Variants in ADAMTS17 observed in about 807,000 individuals in gnomAD.
ADAMTS17 encodes ADAM metallopeptidase with thrombospondin type 1 motif 17, also known as A disintegrin and metalloproteinase with thrombospondin motifs 17.
In ADAMTS17, 113 loss-of-function variants were observed where a neutral mutation model predicts 141.5. The ratio of observed to expected loss-of-function variants is 0.80; its 90% CI spans 0.69 to 0.93. ADAMTS17 has a LOEUF of 0.93. ADAMTS17 is among the 40% of genes least tolerant of loss of function. ADAMTS17 has a pLI of 0.00. For missense variants in ADAMTS17, 1,659 were observed against 1,517.9 expected (o/e 1.09, Z -1.54); for synonymous variants, 768 against 630.6 (o/e 1.22, Z -3.27).
intron 15 of ADAMTS17, among the ~76,000 whole-genome samples, chr15:100,059,511 A>G (rs2032945460): frequency 1.3e-5 from 2 of 152,214 alleles, no homozygotes; most frequent in Admixed American, 6.5e-5. Context: ...CCAAATTTGC[A>G]ATTTGCCGTG....
chr15:100,196,336 C>G (rs906905649), intron 8 of ADAMTS17, among the ~76,000 whole-genome samples: 16 of 152,238 alleles, frequency 1.1e-4, no homozygotes, highest in African/African-American at 3.4e-4. Context: ...CTAAATCTAG[C>G]TTTGTGTTTT....
At chr15:100,207,850 C>CCCAT (rs1328534324) in intron 7 of ADAMTS17, among the ~76,000 whole-genome samples, 4 of 152,098 alleles carry the variant, frequency 2.6e-5, no homozygotes, top group Non-Finnish European at 4.4e-5. Flanking sequence ...CAAACGTGGA[C>CCCAT]CCATCACTCA....
At chr15:100,174,174 C>G (rs2040255370) in intron 8 of ADAMTS17, among the ~76,000 whole-genome samples, 1 of 152,194 alleles carries the variant, frequency 6.6e-6, no homozygotes. Flanking sequence ...CTTAGCTAGG[C>G]AACACAACAT....
At chr15:100,053,379 T>A (rs2032293556) in intron 16 of ADAMTS17, among the ~76,000 whole-genome samples, 2 of 152,232 alleles carry the variant, frequency 1.3e-5, no homozygotes, top group South Asian at 4.1e-4. Context: ...GGGAGTAGAA[T>A]ACCCACATCA....
At chr15:100,071,086 A>G (rs1415897412) in intron 15 of ADAMTS17, among the ~76,000 whole-genome samples, 1 of 150,464 alleles carries the variant, frequency 6.6e-6, no homozygotes, top group Non-Finnish European at 1.5e-5. Context: ...ACAGAAATAC[A>G]AACTGCCATC....
intron 3 of ADAMTS17, among the ~76,000 whole-genome samples, chr15:100,313,749 C>CA (rs553699501): frequency 2.0e-4 from 30 of 151,770 alleles, no homozygotes; most frequent in African/African-American, 7.0e-4. Context: ...AAACGTCAGA[C>CA]AAAACCACCC....
At chr15:100,198,437 G>A (rs1158434701) in intron 8 of ADAMTS17, among the ~76,000 whole-genome samples, 153 of 152,144 alleles carry the variant, frequency 1.0e-3, no homozygotes, top group Non-Finnish European at 2.9e-5. Flanking sequence ...TTACTGTGTA[G>A]GTCATTAGGA....
In ADAMTS17 at chr15:100,143,948, A is replaced by G. The variant is rs566370797; in HGVS notation, c.1473+8664T>C. 1.1e-3 allele frequency among the ~76,000 whole-genome samples: 172 copies of G among 152,340 alleles called. 2 individuals carry two copies. The South Asian group carries it at 0.023, about 20-fold the overall frequency. On this transcript the variant is annotated intron_variant, in intron 10 of 21. Transcript: ENST00000268070. Reference sequence around the variant, plus strand: ...GAACATACAGAGAGGACCAGTCAGAAAGAAGGTCCACATTTAAAATTCCAC... The same window carrying G: ...GAACATACAGAGAGGACCAGTCAGAGAGAAGGTCCACATTTAAAATTCCAC...
At position 100,230,223 on chromosome 15, in the gene ADAMTS17, C is replaced by T. The variant is rs144367888; in HGVS notation, c.1075+23913G>A. On this transcript the variant is annotated intron_variant, in intron 7 of 21. Transcript: ENST00000268070. ...ACAAACACGTCACGAATGACACCCG[C>T]GGTGCACGAAAGCCACACTTGCAGA... 3.8e-4 allele frequency among the ~76,000 whole-genome samples: 58 copies of T among 152,338 alleles called. No homozygotes were observed. The East Asian group carries it at 0.011, about 28-fold the overall frequency.
intron 18 of ADAMTS17, among the ~76,000 whole-genome samples, chr15:100,017,462 C>A (rs948127498): frequency 6.6e-6 from 1 of 152,240 alleles, no homozygotes; most frequent in African/African-American, 2.4e-5. Flanking sequence ...TCTCCTCTGG[C>A]CTCCCTCCCG....
chr15:100,307,660 G>T (rs2045269713), intron 3 of ADAMTS17, among the ~76,000 whole-genome samples: 1 of 152,224 alleles, frequency 6.6e-6, no homozygotes, highest in Admixed American at 6.5e-5. Context: ...TGGGAACCAT[G>T]CCGTTTTACT....
chr15:100,246,574 T>C (rs1305107702), intron 7 of ADAMTS17, among the ~76,000 whole-genome samples: 1 of 152,128 alleles, frequency 6.6e-6, no homozygotes. Context: ...CTTCTCAGAG[T>C]AGACACCAAC....
intron 7 of ADAMTS17, among the ~76,000 whole-genome samples, chr15:100,233,776 T>G (rs1442960287): frequency 6.6e-6 from 1 of 151,728 alleles, no homozygotes; most frequent in African/African-American, 2.4e-5. Context: ...GGGGAGAGTG[T>G]GCCGGGCCCA....
At chr15:100,139,069 A>G (rs1012568035) in intron 10 of ADAMTS17, among the ~76,000 whole-genome samples, 1 of 152,192 alleles carries the variant, frequency 6.6e-6, no homozygotes, top group African/African-American at 2.4e-5. Flanking sequence ...AATTTCAAAG[A>G]CTGGGCATTA....
chr15:100,147,864 G>A (rs1008382866), intron 10 of ADAMTS17, among the ~76,000 whole-genome samples: 7 of 152,256 alleles, frequency 4.6e-5, no homozygotes, highest in Non-Finnish European at 2.9e-5. Context: ...AGTTCTGGAT[G>A]TCAGAAGTCC....
intron 15 of ADAMTS17, among the ~76,000 whole-genome samples, chr15:100,093,061 G>A (rs1007251041): frequency 6.6e-6 from 1 of 152,242 alleles, no homozygotes; most frequent in African/African-American, 2.4e-5. Flanking sequence ...AAAGCAATAT[G>A]ATAGCCAAGT....
chr15:100,231,146 G>T (rs1035427258), intron 7 of ADAMTS17, among the ~76,000 whole-genome samples: 1 of 152,208 alleles, frequency 6.6e-6, no homozygotes, highest in African/African-American at 2.4e-5. Flanking sequence ...TAAGTACTTT[G>T]TATCTAGCAA....
chr15:100,115,153 T>C (rs1033719014), intron 13 of ADAMTS17, among the ~76,000 whole-genome samples: 2 of 152,198 alleles, frequency 1.3e-5, no homozygotes, highest in Admixed American at 1.3e-4. Context: ...TCAAGGCTGC[T>C]TCTCATGAGA....
chr15:100,019,324 C>G (rs145665828), intron 18 of ADAMTS17, among the ~76,000 whole-genome samples: 225 of 152,148 alleles, frequency 1.5e-3, no homozygotes, highest in African/African-American at 5.1e-3. Flanking sequence ...TAGGGAGGGT[C>G]AAAAAGGACT....
Sources: allele counts gnomAD v4.1 joint callset (sites outside exome capture counted in the v4.1 genomes callset), GRCh38; gene constraint gnomAD v4.1.1; transcripts MANE v1.5; gene names NCBI Gene and HGNC (gene_info 2026-07-23, HGNC 2026-07-21).